DNAH11: variants seen among roughly 807,000 people sequenced by gnomAD.
The protein encoded by DNAH11 is dynein axonemal heavy chain 11.
Under a neutral mutation model 526.0 loss-of-function variants are expected in DNAH11, and 442 were observed. The ratio of observed to expected loss-of-function variants is 0.84; its 90% CI spans 0.78 to 0.91. The LOEUF (loss-of-function observed/expected upper bound fraction) is 0.91, where lower values mean the gene tolerates loss of function less well. Ranked by LOEUF, DNAH11 falls within the 40% of genes least tolerant of loss-of-function variation. DNAH11 has a pLI of 0.00. For synonymous variants in DNAH11, 2,461 were observed against 1,935.9 expected, an observed-to-expected ratio of 1.27 and a Z score of -7.12; for missense variants, 6,989 against 5,448.7, an observed-to-expected ratio of 1.28 and a Z score of -8.90.
intron 73 of DNAH11, 86 bp downstream of exon 73, chr7:21,869,077 T>C: frequency 1.3e-6 from 2 of 1,569,064 alleles, no homozygotes; most frequent in African/African-American, 2.7e-5. Context: ...GAATGCTCCC[T>C]TAACACCGCT....
At chr7:21,550,359 T>A (rs548186300) in intron 2 of DNAH11, among the ~76,000 whole-genome samples, 18 of 152,284 alleles carry the variant, frequency 1.2e-4, no homozygotes, top group African/African-American at 4.3e-4. Flanking sequence ...GAAGTCCTTT[T>A]AACCTAAGGG....
chr7:21,801,809 T>C (rs1789008012), intron 62 of DNAH11, among the ~76,000 whole-genome samples: 1 of 152,204 alleles, frequency 6.6e-6, no homozygotes, highest in African/African-American at 2.4e-5. Context: ...TTAAACCTGG[T>C]TGGTTTATGT....
At chr7:21,843,970 TGAAAG>T (rs1277075618) in intron 66 of DNAH11, among the ~76,000 whole-genome samples, 66 of 152,224 alleles carry the variant, frequency 4.3e-4, no homozygotes, top group Non-Finnish European at 4.7e-4. Context: ...TTTTGGAACT[TGAAAG>T]GATTTCTTCA....
intron 45 of DNAH11, among the ~76,000 whole-genome samples, chr7:21,728,362 A>T (rs374331964): frequency 2.1e-5 from 3 of 143,322 alleles, no homozygotes; most frequent in Non-Finnish European, 4.5e-5. Flanking sequence ...GCTTCAAGCA[A>T]TTCTCCTGCC....
chr7:21,654,967 G>T (rs751139545), intron 28 of DNAH11, among the ~76,000 whole-genome samples: 4 of 152,124 alleles, frequency 2.6e-5, no homozygotes, highest in African/African-American at 9.7e-5. Context: ...TCATTCTGGG[G>T]TTGCGGTTGG....
intron 65 of DNAH11, among the ~76,000 whole-genome samples, chr7:21,824,655 A>G (rs968238248): frequency 2.0e-5 from 3 of 152,204 alleles, no homozygotes; most frequent in African/African-American, 7.2e-5. Flanking sequence ...AGACATAGGA[A>G]GGTGAAGATT....
intron 43 of DNAH11, 65 bp from the exon 44 acceptor site, chr7:21,720,660 A>G: frequency 6.7e-7 from 1 of 1,481,994 alleles, no homozygotes; most frequent in Admixed American, 2.3e-5. Context: ...GAGTTGTAAA[A>G]ATATTCTTTG....
intron 46 of DNAH11, among the ~76,000 whole-genome samples, chr7:21,737,778 A>G (rs1785680833): frequency 2.0e-5 from 3 of 152,180 alleles, no homozygotes; most frequent in African/African-American, 7.2e-5. Context: ...GCAAAAGGAA[A>G]GAGGTGAATT....
At position 21,885,169 on chromosome 7, in the gene DNAH11, T is replaced by TGTAAAAAAAAAAAAAAA. The variant is rs367811733; in HGVS notation, c.12507+759_12507+760insGTAAAAAAAAAAAAAAA. ...TATTTGGATCTTGTTCCAAATGAAC[T>TGTAAAAAAAAAAAAAAA]ATAAAAAAAAAAAAAAAAACACACA... On this transcript the variant is annotated intron_variant, in intron 76 of 81. Transcript: ENST00000409508. Among the ~76,000 whole-genome samples the TGTAAAAAAAAAAAAAAA allele has an allele frequency of 3.4e-5, 3 of 89,426 alleles. 1 individual carries two copies. Among genetic ancestry groups the TGTAAAAAAAAAAAAAAA allele is most frequent in the Non-Finnish European group, 7.0e-5 (3 of 42,872 alleles). The allele number at this position is 89,426 out of a possible 152,430, so 58.7% of individuals were successfully genotyped here.
intron 36 of DNAH11, among the ~76,000 whole-genome samples, chr7:21,700,320 G>A (rs914684524): frequency 6.6e-6 from 1 of 152,188 alleles, no homozygotes; most frequent in Non-Finnish European, 1.5e-5. Context: ...GCTGGGTTAG[G>A]AACACAATTC....
At chr7:21,840,703 A>G (rs1018189491) in intron 65 of DNAH11, among the ~76,000 whole-genome samples, 1 of 152,224 alleles carries the variant, frequency 6.6e-6, no homozygotes. Flanking sequence ...AATACATATG[A>G]TTACTACGTA....
chr7:21,563,977 C>A (rs1321019809), intron 5 of DNAH11, among the ~76,000 whole-genome samples: 2 of 152,138 alleles, frequency 1.3e-5, no homozygotes, highest in Non-Finnish European at 2.9e-5. Context: ...GATCAGTGCT[C>A]TCCCAGATGA....
At chr7:21,776,624 A>G (rs1583683388) in intron 56 of DNAH11, among the ~76,000 whole-genome samples, 1 of 152,206 alleles carries the variant, frequency 6.6e-6, no homozygotes, top group African/African-American at 2.4e-5. Flanking sequence ...ACCTTTCTTC[A>G]TAGAGAAAGC....
intron 38 of DNAH11, among the ~76,000 whole-genome samples, 187 bp downstream of exon 38, chr7:21,704,815 C>T (rs528005359): frequency 1.1e-4 from 17 of 152,248 alleles, no homozygotes; most frequent in South Asian, 8.3e-4. Context: ...AGCCCCTCTC[C>T]GTAAGGTGAA....
intron 45 of DNAH11, among the ~76,000 whole-genome samples, chr7:21,733,117 T>G (rs1785451026): frequency 6.6e-6 from 1 of 152,104 alleles, no homozygotes; most frequent in South Asian, 2.1e-4. Flanking sequence ...CCAGGTGCAG[T>G]GACTCAAGCC....
intron 65 of DNAH11, among the ~76,000 whole-genome samples, chr7:21,823,341 A>G (rs2128003530): frequency 6.6e-6 from 1 of 152,116 alleles, no homozygotes; most frequent in Admixed American, 6.5e-5. Flanking sequence ...TGTTTTTCAT[A>G]CCTGCAGTTT....
At chr7:21,841,759 T>C (rs1412051965) in intron 65 of DNAH11, among the ~76,000 whole-genome samples, 1 of 152,170 alleles carries the variant, frequency 6.6e-6, no homozygotes, top group Non-Finnish European at 1.5e-5. Flanking sequence ...GAATACAAAC[T>C]ATTGTCAAAT....
At chr7:21,870,127 C>T (rs1235723475) in intron 73 of DNAH11, among the ~76,000 whole-genome samples, 2 of 152,264 alleles carry the variant, frequency 1.3e-5, no homozygotes, top group East Asian at 1.9e-4. Flanking sequence ...AGTGAGCATC[C>T]GAGTGGCTGG....
intron 63 of DNAH11, among the ~76,000 whole-genome samples, chr7:21,810,110 T>G (rs77392496): frequency 0.026 from 3,919 of 152,304 alleles, 70 homozygotes; most frequent in Non-Finnish European, 0.036. Flanking sequence ...CTTTCAGACT[T>G]AAAGTGTAGC....
Sources: allele counts gnomAD v4.1 joint callset (sites outside exome capture counted in the v4.1 genomes callset), GRCh38; gene constraint gnomAD v4.1.1; transcripts MANE v1.5; gene names NCBI Gene and HGNC (gene_info 2026-07-23, HGNC 2026-07-21).